ALK: variants seen among roughly 807,000 people sequenced by gnomAD.
ALK encodes the protein ALK receptor tyrosine kinase.
In ALK, 74 loss-of-function variants were observed where a neutral mutation model predicts 163.1. That is an observed-to-expected ratio of 0.45 (90% CI 0.38 to 0.55). The LOEUF (loss-of-function observed/expected upper bound fraction) is 0.55. Ranked by LOEUF, ALK falls within the 20% of genes least tolerant of loss-of-function variation. The pLI is 0.00. For synonymous variants in ALK, 960 were observed against 843.2 expected, an observed-to-expected ratio of 1.14 and a Z score of -2.40; for missense variants, 2,063 against 2,105.3, an observed-to-expected ratio of 0.98 and a Z score of 0.39.
At chr2:29,872,783 A>G (rs1666612783) in intron 1 of ALK, among the ~76,000 whole-genome samples, 2 of 152,354 alleles carry the variant, frequency 1.3e-5, no homozygotes, top group African/African-American at 2.4e-5. Flanking sequence ...AAGGTCTCTT[A>G]TAACTATGTT....
At chr2:29,265,507 A>G (rs1558644936) in intron 11 of ALK, among the ~76,000 whole-genome samples, 1 of 152,182 alleles carries the variant, frequency 6.6e-6, no homozygotes, top group Non-Finnish European at 1.5e-5. Flanking sequence ...ACGCTCAGGG[A>G]GTTTTTCTGA....
Position 29,603,525 on chromosome 2 carries a change from A to G in ALK, c.953-71409T>C, listed in dbSNP as rs553735164. ...GTTAATGCCAGTTAGTTGTGCCTGC[A>G]TTCCAAAGGAAGGAGAGTATCATGA... On this transcript the variant is annotated intron_variant, in intron 3 of 28. Coordinates refer to ENST00000389048, the MANE Select transcript of ALK (RefSeq NM_004304.5). Among the ~76,000 whole-genome samples, 3 of 152,256 alleles carry G rather than the reference A, an allele frequency of 2.0e-5. No homozygotes were observed. In the South Asian group the frequency reaches 6.2e-4, roughly 32 times the overall value.
At chr2:29,850,365 G>A (rs1338930512) in intron 1 of ALK, among the ~76,000 whole-genome samples, 1 of 152,202 alleles carries the variant, frequency 6.6e-6, no homozygotes, top group African/African-American at 2.4e-5. Flanking sequence ...TCATGATGTG[G>A]GGAGGCAGGG....
intron 3 of ALK, among the ~76,000 whole-genome samples, chr2:29,651,753 G>T (rs762265301): frequency 6.6e-6 from 1 of 152,116 alleles, no homozygotes; most frequent in Non-Finnish European, 1.5e-5. Context: ...TTTTGTACTG[G>T]CTTGCCTTTA....
chr2:29,342,434 T>G (rs4666206), intron 5 of ALK, among the ~76,000 whole-genome samples: 150,896 of 152,348 alleles, frequency 0.99, 74,743 homozygotes, highest in East Asian at 1. Context: ...GGTTACAGGG[T>G]CTGGGGAGAG....
At chr2:29,779,835 C>T (rs1276240861) in intron 1 of ALK, among the ~76,000 whole-genome samples, 3 of 152,212 alleles carry the variant, frequency 2.0e-5, no homozygotes, top group African/African-American at 7.2e-5. Context: ...GCCTATATCT[C>T]ATTGTGCCTT....
At chr2:29,367,535 G>A (rs1190220910) in intron 5 of ALK, among the ~76,000 whole-genome samples, 2 of 152,160 alleles carry the variant, frequency 1.3e-5, no homozygotes, top group Non-Finnish European at 2.9e-5. Flanking sequence ...GAAACCCCAG[G>A]GGGCAAGAGA....
At chr2:29,823,415 G>A (rs112500783) in intron 1 of ALK, among the ~76,000 whole-genome samples, 1 of 152,170 alleles carries the variant, frequency 6.6e-6, no homozygotes, top group Non-Finnish European at 1.5e-5. Context: ...GGCAGAGGCT[G>A]GAACAGTTTG....
chr2:29,343,280 C>G (rs1281172747), intron 5 of ALK, among the ~76,000 whole-genome samples: 3 of 148,438 alleles, frequency 2.0e-5, no homozygotes, highest in South Asian at 4.3e-4. Context: ...ACGATCATGG[C>G]TCACAGCAGC....
In ALK at chr2:29,254,354, T is replaced by C. The variant is rs182714632; in HGVS notation, c.2042-3087A>G. ...ATGTGTGTGTGTGTATTCTTCTCAA[T>C]AGAGTGCTAGGGAAGACATCTAAAG... On this transcript the variant is annotated intron_variant, in intron 11 of 28. Coordinates refer to ENST00000389048, the MANE Select transcript of ALK (RefSeq NM_004304.5). Among the ~76,000 whole-genome samples, 11 of 152,336 alleles carry C rather than the reference T, an allele frequency of 7.2e-5. No homozygotes were observed. In the East Asian group the frequency reaches 1.5e-3, roughly 21 times the overall value.
chr2:29,778,630 G>T (rs1020981854), intron 1 of ALK, among the ~76,000 whole-genome samples: 1 of 152,184 alleles, frequency 6.6e-6, no homozygotes, highest in African/African-American at 2.4e-5. Flanking sequence ...TGCTTTTTCT[G>T]TGCAGTGGCT....
intron 4 of ALK, among the ~76,000 whole-genome samples, chr2:29,526,577 T>A (rs192340879): frequency 6.6e-6 from 1 of 152,230 alleles, no homozygotes; most frequent in South Asian, 2.1e-4. Flanking sequence ...GCTGACTCTA[T>A]GAATGACTTT....
rs78604127 is a variant in ALK at position 29,479,994 on chromosome 2, G to A, written c.1154+51921C>T. ...CCCTTCTCACTCCCTTCAACTAACC[G>A]TTCCTGGGCATTTTGTTCTTTCAGC... On this transcript the variant is annotated intron_variant, in intron 4 of 28. Coordinates refer to ENST00000389048, the MANE Select transcript of ALK (RefSeq NM_004304.5). 9.0e-3 allele frequency among the ~76,000 whole-genome samples: 1,365 copies of A among 152,250 alleles called. 19 individuals carry two copies. Among genetic ancestry groups the A allele is most frequent in the African/African-American group, 0.03 (1,249 of 41,526 alleles).
rs1364640889 is a variant in ALK, at chr2:29,193,317, G to T, written c.4770C>A (p.Gly1590=). Residue 1590 remains glycine (G), a synonymous_variant, in exon 29 of 29, where the codon GGC becomes GGA. Transcript: ENST00000389048. ...GNVNYGYQQQ[G]LPLEAATAPG... ...GGGCAGTAGCGGCTTCTAAGGGCAA[G>T]CCCTGTTGCTGGTAGCCGTAATTGA... 1.9e-6 allele frequency: 3 copies of T among 1,614,190 alleles called. No individual in the cohort carries two copies. The highest frequency in any genetic ancestry group is 2.2e-5 in the South Asian group (2 of 91,086).
intron 1 of ALK, among the ~76,000 whole-genome samples, chr2:29,908,015 C>T (rs1174058544): frequency 2.6e-5 from 4 of 152,144 alleles, no homozygotes; most frequent in Non-Finnish European, 5.9e-5. Flanking sequence ...TCTTTCATTG[C>T]TTATTTGGTG....
chr2:29,724,186 T>C (rs1033219969), intron 1 of ALK, among the ~76,000 whole-genome samples: 2 of 152,246 alleles, frequency 1.3e-5, no homozygotes, highest in African/African-American at 4.8e-5. Context: ...ATGTAACAAA[T>C]GCTCCTATTC....
At chr2:29,206,087 G>A (rs1313813743) in intron 26 of ALK, among the ~76,000 whole-genome samples, 1 of 152,186 alleles carries the variant, frequency 6.6e-6, no homozygotes, top group African/African-American at 2.4e-5. Context: ...GGGACAGCCA[G>A]CAAGCTTCAG....
At position 29,249,149 on chromosome 2, in the gene ALK, G is replaced by A. The variant is rs997773483; in HGVS notation, c.2204+1956C>T. The stretch of plus-strand genomic sequence containing the variant: ...AAGTGAGCTTGATTCACACTGTCTC[G>A]GGGGAACACAGCCCAAGAGAATCCC... On this transcript the variant is annotated intron_variant, in intron 12 of 28. Transcript: ENST00000389048. 9.2e-5 allele frequency among the ~76,000 whole-genome samples: 14 copies of A among 152,294 alleles called. No homozygotes were observed. The East Asian group carries it at 1.9e-3, about 21-fold the overall frequency.
At chr2:29,858,963 G>T (rs939514987) in intron 1 of ALK, among the ~76,000 whole-genome samples, 11 of 152,170 alleles carry the variant, frequency 7.2e-5, no homozygotes, top group African/African-American at 2.7e-4. Context: ...AACCGAGGAG[G>T]TGGAGGTTGC....
Sources: gnomAD v4.1 joint callset for allele counts (sites outside exome capture counted in the v4.1 genomes callset) on GRCh38, gnomAD v4.1.1 for gene constraint, MANE v1.5 for transcripts, NCBI Gene and HGNC (gene_info 2026-07-23, HGNC 2026-07-21) for gene names.